The following AACS variants were observed in gnomAD, a reference collection of about 807,000 sequenced individuals.
AACS encodes acetoacetyl-CoA synthetase.
In AACS, 69 loss-of-function variants were observed where a neutral mutation model predicts 83.1. The ratio of observed to expected loss-of-function variants is 0.83; its 90% CI spans 0.68 to 1.01. AACS has a LOEUF of 1.01. Ranked by LOEUF, AACS falls within the 50% of genes least tolerant of loss-of-function variation. The pLI is 0.00. For missense variants in AACS, 866 were observed against 882.2 expected, an observed-to-expected ratio of 0.98 and a Z score of 0.23; for synonymous variants, 333 against 343.4, an observed-to-expected ratio of 0.97 and a Z score of 0.33.
chr12:125,105,503 A>G (rs995216923), intron 7 of AACS: 1 of 152,246 alleles, frequency 6.6e-6, no homozygotes, highest in African/African-American at 2.4e-5. Context: ...GCCATGATGC[A>G]TGGAGGCTAG....
At position 125,091,687 on chromosome 12, in the gene AACS, C is replaced by A. The variant is rs990988223; in HGVS notation, c.570+164C>A. On this transcript the variant is annotated intron_variant, in intron 5 of 17. Transcript: ENST00000316519. ...TGGGGAAAGAAGCCAGAAGGACTTG[C>A]GTCTGGTTCTTCCTTTCAAGCAGTC... Among the ~76,000 whole-genome samples, 3 of 152,322 alleles carry A rather than the reference C, an allele frequency of 2.0e-5. No homozygotes were observed. The South Asian group carries it at 6.2e-4, about 32-fold the overall frequency.
chr12:125,114,409 C>G, intron 8 of AACS, 68 bp from the exon 9 acceptor site: 1 of 1,344,188 alleles, frequency 7.4e-7, no homozygotes. Flanking sequence ...AGCGCGTGGG[C>G]CAGGTACCAG....
chr12:125,118,536 T>G, intron 9 of AACS, 105 bp from the exon 10 acceptor site: 1 of 1,490,930 alleles, frequency 6.7e-7, no homozygotes, highest in South Asian at 1.3e-5. Flanking sequence ...CACCAACCTG[T>G]GGCTCCATCT....
intron 5 of AACS, 147 bp from the exon 6 acceptor site, chr12:125,102,532 A>T: frequency 1.4e-6 from 1 of 707,602 alleles, no homozygotes; most frequent in Non-Finnish European, 2.5e-6. Flanking sequence ...TGGTGCAAGC[A>T]TAGCTCACTC....
Position 125,118,647 on chromosome 12 carries a change from T to C in AACS, c.1003T>C (p.Trp335Arg). The C allele has an allele frequency of 6.2e-7, 1 of 1,614,050 alleles. No homozygotes were observed. The highest frequency in any genetic ancestry group is 1.3e-5 in the African/African-American group (1 of 75,052). The change falls in exon 10 of 18, where the codon TGG becomes CGG. Residue 335 changes from tryptophan (W) to arginine (R), a missense_variant. Transcript: ENST00000316519. ...ATCCCTCCTGTCTTTGCAGGTCGGC[T>C]GGATGATGTGGAACTGGATGGTGTC... ...DILLCYTTVG[W>R]MMWNWMVSLL... is the part of the protein sequence containing the mutation.
intron 3 of AACS, among the ~76,000 whole-genome samples, chr12:125,080,592 C>T (rs1402369333): frequency 6.6e-6 from 1 of 152,044 alleles, no homozygotes; most frequent in African/African-American, 2.4e-5. Context: ...TTCACACCCC[C>T]TACCCCTTTA....
intron 14 of AACS, among the ~76,000 whole-genome samples, chr12:125,132,413 G>A (rs575610467): frequency 1.3e-5 from 2 of 152,196 alleles, no homozygotes; most frequent in Non-Finnish European, 2.9e-5. Flanking sequence ...ACTGTATGTT[G>A]TTGCTGGCAC....
intron 3 of AACS, among the ~76,000 whole-genome samples, chr12:125,080,624 C>T (rs996068228): frequency 4.6e-5 from 1 of 21,718 alleles, no homozygotes; most frequent in East Asian, 1.4e-3. Context: ...CTTCTCTTCA[C>T]TCCCACCATC....
rs1486186736 is a variant in AACS at position 125,140,444 on chromosome 12, C to T, written c.1882-1648C>T. ...GCTGCACGTGGACCCCTGTGTGAAGCGTAGCAGGGCACAGAGCAGGCGAGA... is the reference window on the plus strand; with the variant it reads ...GCTGCACGTGGACCCCTGTGTGAAGTGTAGCAGGGCACAGAGCAGGCGAGA... On this transcript the variant is annotated intron_variant, in intron 17 of 17. Transcript: ENST00000316519. This position sits in a 1 kb window ranked among gnomAD's most constrained non-coding sequence, Gnocchi z 5.1. 3 of 152,176 alleles carry T rather than the reference C, an allele frequency of 2.0e-5. No homozygotes were observed. The highest frequency in any genetic ancestry group is 6.5e-5 in the Admixed American group (1 of 15,284). 9.4% of individuals were successfully genotyped at this position (152,176 alleles called of 1,614,324 possible). A position where few individuals can be genotyped will look rare whatever the true frequency, so the allele number is the denominator to read the frequency against.
chr12:125,101,972 G>C (rs1391968937), intron 5 of AACS: 2 of 150,262 alleles, frequency 1.3e-5, no homozygotes, highest in African/African-American at 4.9e-5. Flanking sequence ...TCACCATGTT[G>C]GTCAGGCTGG....
chr12:125,127,496 C>G (rs562119770), intron 12 of AACS: 65 of 152,402 alleles, frequency 4.3e-4, no homozygotes, highest in Middle Eastern at 6.8e-3. Context: ...GGCTGGAGTG[C>G]AGTGGCACAA....
intron 2 of AACS, among the ~76,000 whole-genome samples, chr12:125,074,741 G>C (rs1955974778): frequency 7.7e-6 from 1 of 130,434 alleles, no homozygotes; most frequent in Non-Finnish European, 1.5e-5. Flanking sequence ...TTAGTATACT[G>C]CAACCTCCAC....
At chr12:125,068,221 C>T (rs773799866) in intron 1 of AACS, among the ~76,000 whole-genome samples, 1 of 152,186 alleles carries the variant, frequency 6.6e-6, no homozygotes, top group Non-Finnish European at 1.5e-5. Context: ...CTTGGAGAAG[C>T]TGAGATGGGT....
In AACS at chr12:125,113,410, C is replaced by T. The variant is rs1391259492; in HGVS notation, c.916-1067C>T. Among the ~76,000 whole-genome samples, 3 of 152,328 alleles carry T rather than the reference C, an allele frequency of 2.0e-5. No individual in the cohort carries two copies. Among genetic ancestry groups the T allele is most frequent in the South Asian group, 2.1e-4 (1 of 4,832 alleles). ...CAGCATCCCCGTCTGTCCTCAGGAT[C>T]TTGTACGAGATCCGTTGGAAAGACA... On this transcript the variant is annotated intron_variant, in intron 8 of 17. Coordinates refer to ENST00000316519, the MANE Select transcript of AACS (RefSeq NM_023928.5). The surrounding 1 kb of genome is among the most constrained non-coding windows in gnomAD (Gnocchi z 4.8).
At chr12:125,136,967 C>T (rs767361969) in intron 17 of AACS, 103 bp downstream of exon 17, 45 of 1,167,190 alleles carry the variant, frequency 3.9e-5, no homozygotes, top group Admixed American at 2.0e-4. Context: ...CTTTATATAT[C>T]GTTTGTCCAC....
chr12:125,107,334 C>A, intron 8 of AACS, 66 bp downstream of exon 8: 2 of 1,581,396 alleles, frequency 1.3e-6, no homozygotes, highest in South Asian at 1.1e-5. Context: ...GGCCTCCCAG[C>A]TGATGATGGC....
chr12:125,085,505 ATG>A (rs1396537268), intron 3 of AACS, among the ~76,000 whole-genome samples: 1 of 143,680 alleles, frequency 7.0e-6, no homozygotes, highest in African/African-American at 2.6e-5. Context: ...TTGCATCCAC[ATG>A]TGTTTCATGG....
chr12:125,102,877 G>GTCTCTGCCCCAGATTGTGTTATAT lies in AACS; in HGVS notation c.686-97_686-74dup, dbSNP rs1231139162. 193 of 1,434,918 alleles carry GTCTCTGCCCCAGATTGTGTTATAT rather than the reference G, an allele frequency of 1.3e-4. 2 individuals carry two copies. In the South Asian group the frequency reaches 2.2e-3, roughly 16 times the overall value. The allele number at this position is 1,434,918 out of a possible 1,614,324, so 88.9% of individuals were successfully genotyped here. ...AGTCTGCCAGGAGTCAATCTGGGTA[G>GTCTCTGCCCCAGATTGTGTTATAT]TCTCTGCCCCAGATTGTGTTATATT... On this transcript the variant is annotated intron_variant, in intron 6 of 17. Coordinates refer to ENST00000316519, the MANE Select transcript of AACS (RefSeq NM_023928.5).
chr12:125,096,569 G>A (rs1337947018), intron 5 of AACS, among the ~76,000 whole-genome samples: 1 of 152,182 alleles, frequency 6.6e-6, no homozygotes, highest in Non-Finnish European at 1.5e-5. Flanking sequence ...GAGGGAGCCA[G>A]GTGCAGGGAT....
Sources: gnomAD v4.1 joint callset for allele counts (sites outside exome capture counted in the v4.1 genomes callset) on GRCh38, gnomAD v4.1.1 for gene constraint, Gnocchi (gnomAD v3.1) non-coding constraint, MANE v1.5 for transcripts, NCBI Gene and HGNC (gene_info 2026-07-23, HGNC 2026-07-21) for gene names.